The following KRT20 variants were observed in gnomAD, a reference collection of about 807,000 sequenced individuals.
KRT20 encodes the protein keratin 20, also known as keratin, type I cytoskeletal 20.
In KRT20, 41 loss-of-function variants were observed where a neutral mutation model predicts 43.0. The observed-to-expected ratio is 0.95, with a 90% CI of 0.74 to 1.24. The LOEUF is 1.24. Among genes scored for constraint, KRT20 ranks in the 50% most tolerant of loss-of-function variants. The probability of loss-of-function intolerance (pLI) is 0.00; values close to 1 mark genes in which losing one functional copy is unlikely to be tolerated. For missense variants in KRT20, 533 were observed against 521.2 expected, an observed-to-expected ratio of 1.02 and a Z score of -0.22; for synonymous variants, 207 against 200.6, an observed-to-expected ratio of 1.03 and a Z score of -0.27.
chr17:40,878,268 A>G lies in KRT20; in HGVS notation c.1016T>C (p.Leu339Pro). The change falls in exon 6 of 8, where the codon CTG becomes CCG. Residue 339 changes from leucine (L) to proline (P), a missense_variant. Physicochemically the swap from Leu to Pro is moderately conservative, Grantham distance 98. Transcript: ENST00000167588. ...TTCCATGTTACTCCGAATCTGCATC[A>G]GTTGGGCCTCCAGAGAGCTCAACAG... The part of the protein sequence containing the change: ...QSLLSSLEAQ[L>P]MQIRSNMERQ... The G allele has an allele frequency of 1.2e-6, 2 of 1,614,146 alleles. No individual in the cohort carries two copies. The highest frequency in any genetic ancestry group is 1.7e-6 in the Non-Finnish European group (2 of 1,180,012).
At chr17:40,882,375 G>A (rs1907635369) in intron 2 of KRT20, 197 bp downstream of exon 2, 1 of 296,024 alleles carries the variant, frequency 3.4e-6, no homozygotes, top group South Asian at 1.6e-4. Context: ...TACATGCCGG[G>A]GGATCAAGAA....
Position 40,877,383 on chromosome 17 carries a change from T to C in KRT20, c.1174A>G (p.Arg392Gly). The change falls in exon 7 of 8, where the codon AGA (arginine) becomes GGA (glycine). Residue 392 changes from arginine (R) to glycine (G), a missense_variant. Arg to Gly is a moderately radical substitution (Grantham distance 125). Transcript: ENST00000167588. ...TEYQLSTLEE[R>G]DIKKTRKIKT... ...TGTGCAAAAATTTAGAACTTACCTC[T>C]CTCTTCCAGGGTGCTTAACTGATAT... 1.3e-6 allele frequency: 2 copies of C among 1,531,636 alleles called. No homozygotes were observed. The highest frequency in any genetic ancestry group is 1.3e-5 in the South Asian group (1 of 76,388). The allele number at this position is 1,531,636 out of a possible 1,614,324, so 94.9% of individuals were successfully genotyped here. A position where few individuals can be genotyped will look rare whatever the true frequency, so the allele number is the denominator to read the frequency against.
At chr17:40,882,219 A>C (rs565752690) in intron 2 of KRT20, among the ~76,000 whole-genome samples, 3 of 152,352 alleles carry the variant, frequency 2.0e-5, no homozygotes, top group South Asian at 2.1e-4. Flanking sequence ...TTTAGATAAC[A>C]GAAAGGCACT....
In KRT20 at chr17:40,878,363, T is replaced by G. The variant is rs371074990; in HGVS notation, c.921A>C (p.Lys307Asn). 5 of 1,611,410 alleles carry G rather than the reference T, an allele frequency of 3.1e-6. No individual in the cohort carries two copies. Among genetic ancestry groups the G allele is most frequent in the Non-Finnish European group, 4.2e-6 (5 of 1,178,028 alleles). Residue 307 changes from lysine (K) to asparagine (N), a missense_variant and splice_region_variant, in exon 6 of 8, where the codon AAA becomes AAC. Physicochemically the swap from Lys to Asn is moderately conservative, Grantham distance 94. Coordinates refer to ENST00000167588, the MANE Select transcript of KRT20 (RefSeq NM_019010.3). ...CCTCTAGAGTGTGCTCCAAAGACTCTTTCTATGAGCACAAGAAAAATAGGG... is the reference window on the plus strand; with the variant it reads ...CCTCTAGAGTGTGCTCCAAAGACTCGTTCTATGAGCACAAGAAAAATAGGG... The part of the protein sequence containing the change: ...EIELQSHLSM[K>N]ESLEHTLEET...
At chr17:40,883,137 G>A (rs1907674155) in intron 1 of KRT20, among the ~76,000 whole-genome samples, 1 of 152,134 alleles carries the variant, frequency 6.6e-6, no homozygotes, top group Non-Finnish European at 1.5e-5. Flanking sequence ...AAAAAATAAT[G>A]ACATAGTTAT....
At chr17:40,877,563 G>T in intron 6 of KRT20, 146 bp from the exon 7 acceptor site, 1 of 508,206 alleles carries the variant, frequency 2.0e-6, no homozygotes, top group Non-Finnish European at 3.3e-6. Flanking sequence ...CTTTTACATT[G>T]CTTTTATTGC....
chr17:40,880,250 GC>G lies in KRT20; in HGVS notation c.641del (p.Gly214AlafsTer20), dbSNP rs780436203. 14 of 1,597,810 alleles carry G rather than the reference GC, an allele frequency of 8.8e-6. No individual in the cohort carries two copies. Among genetic ancestry groups the G allele is most frequent in the Non-Finnish European group, 1.2e-5 (14 of 1,171,284 alleles). ...LKKEHQEEVDGLHKHLGNTVN... is the reference protein window; with the variant it reads ...LKKEHQEEVDXLHKHLGNTVN... ...CAGTGTTGCCCAGATGCTTGTGTAGGCCATCGACTTCCTATGAAAGTGAAAT... is the reference window on the plus strand; with the variant it reads ...CAGTGTTGCCCAGATGCTTGTGTAGGCATCGACTTCCTATGAAAGTGAAAT... On this transcript the variant is annotated frameshift_variant, in exon 4 of 8. Transcript: ENST00000167588. LOFTEE classifies it high-confidence loss of function.
chr17:40,879,569 T>C (rs1421347208), intron 5 of KRT20, among the ~76,000 whole-genome samples: 2 of 152,052 alleles, frequency 1.3e-5, no homozygotes, highest in African/African-American at 2.4e-5. Context: ...GAAGATCTGG[T>C]TTAAATGCCA....
At chr17:40,879,739 A>T in intron 5 of KRT20, 74 bp downstream of exon 5, 1 of 1,538,174 alleles carries the variant, frequency 6.5e-7, no homozygotes, top group Non-Finnish European at 8.9e-7. Context: ...AGGTCTTTGC[A>T]TTTCTATAGT....
chr17:40,877,367 A>G lies in KRT20; in HGVS notation c.1177+13T>C, dbSNP rs757387023. ...TGAATGTCATAGAAAATGTGCAAAA[A>G]TTTAGAACTTACCTCTCTCTTCCAG... On this transcript the variant is annotated intron_variant, in intron 7 of 7. Coordinates refer to ENST00000167588, the MANE Select transcript of KRT20 (RefSeq NM_019010.3). 2.1e-5 allele frequency: 32 copies of G among 1,535,436 alleles called. No homozygotes were observed. The highest frequency in any genetic ancestry group is 2.8e-5 in the Non-Finnish European group (32 of 1,148,260).
rs1907509466 is a variant in KRT20 at position 40,879,816 on chromosome 17, G to A, written c.915C>T (p.Ser305=). The change falls in exon 5 of 8, where the codon AGC becomes AGT. Residue 305 remains serine (S), a synonymous_variant. Coordinates refer to ENST00000167588, the MANE Select transcript of KRT20 (RefSeq NM_019010.3). ...AGAGAAGTTAGATATGCTTTACCAT[G>A]CTGAGATGGGACTGGAGTTCTATCT... ...SLEIELQSHL[S]MKESLEHTLE... 1 of 1,612,798 alleles carries A rather than the reference G, an allele frequency of 6.2e-7. No homozygotes were observed. The highest frequency in any genetic ancestry group is 1.7e-5 in the Admixed American group (1 of 59,772).
Position 40,879,936 on chromosome 17 carries a change from A to G in KRT20, c.795T>C (p.Thr265=), listed in dbSNP as rs751009792. The G allele has an allele frequency of 1.9e-6, 3 of 1,613,766 alleles. No homozygotes were observed. Among genetic ancestry groups the G allele is most frequent in the Non-Finnish European group, 1.7e-6 (2 of 1,179,974 alleles). The change falls in exon 5 of 8, where the codon ACT becomes ACC. Residue 265 remains threonine (T), a splice_region_variant and synonymous_variant. Transcript: ENST00000167588. ...QEAKEQFERQ[T]AVLQQQVTVN... Reference sequence around the variant, plus strand: ...CTGTGACCTGTTGCTGCAGAACTGCAGTCTACAGTGCCAAGAGTGAAAAAA... The same window carrying G: ...CTGTGACCTGTTGCTGCAGAACTGCGGTCTACAGTGCCAAGAGTGAAAAAA...
At chr17:40,876,613 T>A (rs1907356583) in intron 7 of KRT20, among the ~76,000 whole-genome samples, 155 bp from the exon 8 acceptor site, 1 of 152,236 alleles carries the variant, frequency 6.6e-6, no homozygotes, top group African/African-American at 2.4e-5. Flanking sequence ...AAGTCCATTT[T>A]ATAAATAGAT....
chr17:40,879,611 T>G (rs1329425000), intron 5 of KRT20, among the ~76,000 whole-genome samples: 1 of 152,142 alleles, frequency 6.6e-6, no homozygotes, highest in Non-Finnish European at 1.5e-5. Flanking sequence ...GATTTACTCT[T>G]TCCTCTGCAT....
At chr17:40,877,523 G>A (rs552209419) in intron 6 of KRT20, 106 bp from the exon 7 acceptor site, 6 of 636,554 alleles carry the variant, frequency 9.4e-6, no homozygotes, top group Non-Finnish European at 1.5e-5. Context: ...AAGTCCAAGT[G>A]AATGTGTTAT....
rs948394998 is a variant in KRT20 at position 40,876,093 on chromosome 17, G to A, written c.*268C>T. The A allele has an allele frequency of 3.3e-5, 11 of 328,794 alleles. No individual in the cohort carries two copies. Among genetic ancestry groups the A allele is most frequent in the Middle Eastern group, 8.3e-4 (1 of 1,208 alleles). 20.4% of individuals were successfully genotyped at this position (328,794 alleles called of 1,614,324 possible). On this transcript the variant is annotated 3_prime_UTR_variant, in exon 8 of 8. Coordinates refer to ENST00000167588, the MANE Select transcript of KRT20 (RefSeq NM_019010.3). Reference sequence around the variant, plus strand: ...GTGGTCTACAGCTTGTAATTGATGTGCTTCATGATAAAGATGGCAGTAATG... The same window carrying A: ...GTGGTCTACAGCTTGTAATTGATGTACTTCATGATAAAGATGGCAGTAATG...
chr17:40,876,166 T>C lies in KRT20; in HGVS notation c.*195A>G. 1 of 433,930 alleles carries C rather than the reference T, an allele frequency of 2.3e-6. No homozygotes were observed. The allele number at this position is 433,930 out of a possible 1,614,324, so 26.9% of individuals were successfully genotyped here. A position where few individuals can be genotyped will look rare whatever the true frequency, so the allele number is the denominator to read the frequency against. On this transcript the variant is annotated 3_prime_UTR_variant, in exon 8 of 8. Coordinates refer to ENST00000167588, the MANE Select transcript of KRT20 (RefSeq NM_019010.3). ...CACTGGATTTCATTTTTGCAGGCAA[T>C]TTGCAGCTCCTCTGAGTAAAACATT... is the stretch of plus-strand genomic sequence containing the variant.
intron 2 of KRT20, 97 bp from the exon 3 acceptor site, chr17:40,880,867 T>C: frequency 1.1e-6 from 1 of 888,904 alleles, no homozygotes; most frequent in African/African-American, 1.7e-5. Context: ...ATGTGGCTTA[T>C]GAGGAGATCA....
At chr17:40,882,017 C>T (rs1907622449) in intron 2 of KRT20, among the ~76,000 whole-genome samples, 1 of 152,064 alleles carries the variant, frequency 6.6e-6, no homozygotes, top group Non-Finnish European at 1.5e-5. Context: ...GGATTACAGA[C>T]ATACGGCATC....
Sources: gnomAD v4.1 joint callset for allele counts (sites outside exome capture counted in the v4.1 genomes callset) on GRCh38, gnomAD v4.1.1 for gene constraint, MANE v1.5 for transcripts, NCBI Gene and HGNC (gene_info 2026-07-23, HGNC 2026-07-21) for gene names.